UTRN: variants seen among roughly 807,000 people sequenced by gnomAD.
The protein encoded by UTRN is utrophin, also known as dystrophin-related protein 1.
In UTRN, 283 loss-of-function variants were observed where a neutral mutation model predicts 463.9. That is an observed-to-expected ratio of 0.61 (90% CI 0.55 to 0.67). The LOEUF (loss-of-function observed/expected upper bound fraction) is 0.67. Among genes scored for constraint, UTRN ranks in the 30% least tolerant of loss-of-function variants. UTRN has a pLI of 0.00. For synonymous variants in UTRN, 1,442 were observed against 1,431.5 expected, an observed-to-expected ratio of 1.01 and a Z score of -0.17; for missense variants, 3,922 against 4,084.3, an observed-to-expected ratio of 0.96 and a Z score of 1.08.
intron 51 of UTRN, among the ~76,000 whole-genome samples, chr6:144,606,638 T>C (rs1804876739): frequency 6.6e-6 from 1 of 152,202 alleles, no homozygotes; most frequent in South Asian, 2.1e-4. Flanking sequence ...TGCAAACTCT[T>C]AGAAATATAG....
intron 62 of UTRN, among the ~76,000 whole-genome samples, chr6:144,792,286 C>A (rs143046065): frequency 6.6e-6 from 1 of 152,276 alleles, no homozygotes; most frequent in East Asian, 1.9e-4. Flanking sequence ...TGGCTCACAC[C>A]TGTAATCCCC....
intron 55 of UTRN, among the ~76,000 whole-genome samples, chr6:144,751,377 G>T (rs1265771847): frequency 6.6e-6 from 1 of 152,230 alleles, no homozygotes; most frequent in East Asian, 1.9e-4. Flanking sequence ...ATATTTTTGG[G>T]TAATAAACAA....
rs546666519 is a variant in UTRN, at chr6:144,376,477, T to C, written c.80-26646T>C. Among the ~76,000 whole-genome samples the C allele has an allele frequency of 9.2e-5, 14 of 151,624 alleles. No homozygotes were observed. The South Asian group carries it at 2.1e-3, about 23-fold the overall frequency. On this transcript the variant is annotated intron_variant, in intron 2 of 74. Coordinates refer to ENST00000367545, the MANE Select transcript of UTRN (RefSeq NM_007124.3). ...TCAAAAAAAAAAAAAAAGTTTTTTG[T>C]AGAGACAGAGGCCTCACTATGTTGC...
chr6:144,839,241 C>T lies in UTRN; in HGVS notation c.10134C>T (p.Tyr3378=), dbSNP rs376533349. ...WASPQHSALS[Y]SLDPDASGPQ... is the part of the protein sequence containing the mutation. ...CTCCTCAGCATTCTGCACTGAGCTA[C>T]TCGCTTGATCCAGATGCCTCCGGCC... Residue 3378 remains tyrosine (Y), a synonymous_variant, in exon 72 of 75, where the codon TAC becomes TAT. Coordinates refer to ENST00000367545, the MANE Select transcript of UTRN (RefSeq NM_007124.3). The T allele has an allele frequency of 1.9e-6, 3 of 1,613,916 alleles. No homozygotes were observed. Among genetic ancestry groups the T allele is most frequent in the African/African-American group, 2.7e-5 (2 of 74,948 alleles).
intron 54 of UTRN, among the ~76,000 whole-genome samples, chr6:144,736,318 A>C (rs1383220626): frequency 6.6e-6 from 1 of 152,146 alleles, no homozygotes; most frequent in Non-Finnish European, 1.5e-5. Context: ...TTTCGGTTCT[A>C]TTTAATAAGC....
Position 144,453,854 on chromosome 6 carries a change from G to A in UTRN, c.2269G>A (p.Glu757Lys). Residue 757 changes from glutamate to lysine, a missense_variant, in exon 19 of 75, where the codon GAG (glutamate) becomes AAG (lysine). Transcript: ENST00000367545. The part of the protein sequence containing the change: ...ELNQTGQILV[E>K]QMGKEGLPTE... ...AAACCAAACTGGACAAATCCTTGTGGAGCAAATGGGAAAAGGTAAGATCCT... is the reference window on the plus strand; with the variant it reads ...AAACCAAACTGGACAAATCCTTGTGAAGCAAATGGGAAAAGGTAAGATCCT... 6.2e-7 allele frequency: 1 copy of A among 1,613,146 alleles called. No homozygotes were observed. Among genetic ancestry groups the A allele is most frequent in the Non-Finnish European group, 8.5e-7 (1 of 1,179,450 alleles).
At chr6:144,650,920 A>G (rs1459872449) in intron 51 of UTRN, among the ~76,000 whole-genome samples, 2 of 151,936 alleles carry the variant, frequency 1.3e-5, no homozygotes, top group South Asian at 4.2e-4. Flanking sequence ...AATAATAATA[A>G]TAATAATAAT....
intron 51 of UTRN, among the ~76,000 whole-genome samples, chr6:144,620,170 T>A (rs1775200900): frequency 1.3e-5 from 2 of 152,188 alleles, no homozygotes; most frequent in Non-Finnish European, 2.9e-5. Flanking sequence ...ATCATTGTGA[T>A]GGCCATGATT....
intron 54 of UTRN, among the ~76,000 whole-genome samples, chr6:144,741,729 G>A (rs1017067553): frequency 6.6e-6 from 1 of 152,150 alleles, no homozygotes. Context: ...GTTGCTTAGC[G>A]AGGCCCTGGT....
rs576630308 is a variant in UTRN at position 144,849,849 on chromosome 6, G to A, written c.10294-1140G>A. On this transcript the variant is annotated intron_variant, in intron 74 of 74. Coordinates refer to ENST00000367545, the MANE Select transcript of UTRN (RefSeq NM_007124.3). ...GGCTTTATATTTAACATGAATCAGC[G>A]CCAGAGTTTCAGTTATCAATATTAA... Among the ~76,000 whole-genome samples, 460 of 152,202 alleles carry A rather than the reference G, an allele frequency of 3.0e-3. 2 individuals are homozygous for A. Among genetic ancestry groups the A allele is most frequent in the South Asian group, 6.8e-3 (33 of 4,818 alleles).
At chr6:144,462,985 T>C in intron 23 of UTRN, 119 bp downstream of exon 23, 2 of 886,512 alleles carry the variant, frequency 2.3e-6, no homozygotes, top group South Asian at 3.4e-5. Flanking sequence ...CCATTTATTA[T>C]GTATTTAAGT....
chr6:144,800,739 C>A (rs1335530181), intron 64 of UTRN, among the ~76,000 whole-genome samples: 1 of 151,946 alleles, frequency 6.6e-6, no homozygotes, highest in African/African-American at 2.4e-5. Flanking sequence ...TTTGTTACTA[C>A]CAATAACATC....
intron 45 of UTRN, among the ~76,000 whole-genome samples, chr6:144,539,889 A>G (rs891696941): frequency 2.0e-5 from 3 of 151,920 alleles, no homozygotes; most frequent in African/African-American, 7.3e-5. Flanking sequence ...CTAAAGATAG[A>G]AAAATTTGCC....
At chr6:144,758,824 C>G (rs545064635) in intron 58 of UTRN, among the ~76,000 whole-genome samples, 2 of 152,186 alleles carry the variant, frequency 1.3e-5, no homozygotes, top group Admixed American at 1.3e-4. Context: ...GCATCATAAT[C>G]ATGACAACAC....
At chr6:144,499,453 C>T (rs762136625) in intron 34 of UTRN, 26 bp downstream of exon 34, 4 of 1,572,396 alleles carry the variant, frequency 2.5e-6, no homozygotes, top group African/African-American at 1.3e-5. Flanking sequence ...GATGAAACAC[C>T]AGCATGATGC....
At chr6:144,691,564 C>T (rs1346261515) in intron 52 of UTRN, among the ~76,000 whole-genome samples, 1 of 152,160 alleles carries the variant, frequency 6.6e-6, no homozygotes, top group Non-Finnish European at 1.5e-5. Context: ...TTTCAGACTC[C>T]ATTAATCCCT....
intron 2 of UTRN, among the ~76,000 whole-genome samples, chr6:144,297,546 G>GA (rs1163184864): frequency 7.9e-5 from 12 of 152,252 alleles, no homozygotes; most frequent in African/African-American, 2.4e-4. Flanking sequence ...AAGGGACTGT[G>GA]AAAAAATAGT....
rs760324373 is a variant in UTRN, at chr6:144,482,402, ATTATTG to A, written c.3687+17_3687+22del. 1 of 1,276,856 alleles carries A rather than the reference ATTATTG, an allele frequency of 7.8e-7. No individual in the cohort carries two copies. The highest frequency in any genetic ancestry group is 1.9e-5 in the African/African-American group (1 of 53,292). 79.1% of individuals were successfully genotyped at this position (1,276,856 alleles called of 1,614,324 possible). A position where few individuals can be genotyped will look rare whatever the true frequency, so the allele number is the denominator to read the frequency against. On this transcript the variant is annotated intron_variant, in intron 27 of 74. Coordinates refer to ENST00000367545, the MANE Select transcript of UTRN (RefSeq NM_007124.3). ...CACACGCTAGAGGTATGCTATTATT[ATTATTG>A]TTGTTATTATTATTATTATTATTAT... is the stretch of plus-strand genomic sequence containing the variant.
chr6:144,794,027 T>G lies in UTRN; in HGVS notation c.9078+36T>G. 3 of 1,606,998 alleles carry G rather than the reference T, an allele frequency of 1.9e-6. 1 individual carries two copies. The highest frequency in any genetic ancestry group is 2.6e-6 in the Non-Finnish European group (3 of 1,176,042). Reference sequence around the variant, plus strand: ...AGGATCACTGGTGTGTAGGATGTGTTGGCGAAGGGTTTTGAGGATGTTCTG... The same window carrying G: ...AGGATCACTGGTGTGTAGGATGTGTGGGCGAAGGGTTTTGAGGATGTTCTG... On this transcript the variant is annotated intron_variant, in intron 63 of 74. Transcript: ENST00000367545.
Sources: allele counts gnomAD v4.1 joint callset (sites outside exome capture counted in the v4.1 genomes callset), GRCh38; gene constraint gnomAD v4.1.1; transcripts MANE v1.5; gene names NCBI Gene and HGNC (gene_info 2026-07-23, HGNC 2026-07-21).